HR: variants seen among roughly 807,000 people sequenced by gnomAD.
HR encodes the protein HR lysine demethylase and nuclear receptor corepressor, also known as lysine-specific demethylase hairless.
Under a neutral mutation model 128.6 loss-of-function variants are expected in HR, and 83 were observed. The ratio of observed to expected loss-of-function variants is 0.65; its 90% CI spans 0.54 to 0.77. The LOEUF is 0.77. Among genes scored for constraint, HR ranks in the 30% least tolerant of loss-of-function variants. HR has a pLI of 0.00. For synonymous variants in HR, 681 were observed against 658.2 expected, an observed-to-expected ratio of 1.03 and a Z score of -0.53; for missense variants, 1,490 against 1,574.6, an observed-to-expected ratio of 0.95 and a Z score of 0.91.
intron 7 of HR, 79 bp downstream of exon 7, chr8:22,122,711 G>C: frequency 1.3e-6 from 2 of 1,490,068 alleles, no homozygotes; most frequent in South Asian, 2.4e-5. Flanking sequence ...ATGGCACTGG[G>C]GGGAGGGACA....
chr8:22,121,004 G>C, intron 10 of HR, 46 bp from the exon 11 acceptor site: 1 of 1,612,308 alleles, frequency 6.2e-7, no homozygotes, highest in Non-Finnish European at 8.5e-7. Context: ...GGCCCCACAG[G>C]GAGGGCAGGC....
Position 22,122,729 on chromosome 8 carries a change from G to A in HR, c.2005+61C>T, listed in dbSNP as rs564364835. 98 of 1,505,076 alleles carry A rather than the reference G, an allele frequency of 6.5e-5. 1 individual carries two copies. In the Admixed American group the frequency reaches 1.3e-3, roughly 19 times the overall value. 93.2% of individuals were successfully genotyped at this position (1,505,076 alleles called of 1,614,324 possible). On this transcript the variant is annotated intron_variant, in intron 7 of 18. Coordinates refer to ENST00000381418, the MANE Select transcript of HR (RefSeq NM_005144.5). Reference sequence around the variant, plus strand: ...GCACTGGGGGGAGGGACAATCAGACGGGAAGCTGGTCTCCCTCAGGACCCA... The same window carrying A: ...GCACTGGGGGGAGGGACAATCAGACAGGAAGCTGGTCTCCCTCAGGACCCA...
chr8:22,123,732 T>C lies in HR; in HGVS notation c.1832A>G (p.His611Arg). 6.3e-7 allele frequency: 1 copy of C among 1,593,542 alleles called. No individual in the cohort carries two copies. Among genetic ancestry groups the C allele is most frequent in the Non-Finnish European group, 8.5e-7 (1 of 1,174,880 alleles). Residue 611 changes from histidine to arginine, a missense_variant, in exon 6 of 19, where the codon CAC becomes CGC. His to Arg is a conservative substitution (Grantham distance 29). Transcript: ENST00000381418. ...GTGGCTGCAGCGGGGACATCGCCAGTGGGTGTTGAAGAGTCCATGGTGGCA... is the reference window on the plus strand; with the variant it reads ...GTGGCTGCAGCGGGGACATCGCCAGCGGGTGTTGAAGAGTCCATGGTGGCA... ...SRCHHGLFNT[H>R]WRCPRCSHRL... is the part of the protein sequence containing the mutation.
rs750292356 is a variant in HR, at chr8:22,127,262, G to C, written c.1180C>G (p.Pro394Ala). ...TCCTCGACCTCAGGGCAGCCGCGTGGACATTCAAACTGCTCCGAGTGCCGT... is the reference window on the plus strand; with the variant it reads ...TCCTCGACCTCAGGGCAGCCGCGTGCACATTCAAACTGCTCCGAGTGCCGT... ...LTRHSEQFEC[P>A]RGCPEVEERP... The change falls in exon 3 of 19, where the codon CCA becomes GCA. Residue 394 changes from proline (P) to alanine (A), a missense_variant. This residue lies in a region of HR where 1,060 missense variants were observed against 1,060.9 expected (regional missense o/e 1.00). Coordinates refer to ENST00000381418, the MANE Select transcript of HR (RefSeq NM_005144.5). 5.6e-6 allele frequency: 9 copies of C among 1,613,168 alleles called. No individual in the cohort carries two copies. In the South Asian group the frequency reaches 9.9e-5, roughly 18 times the overall value.
At position 22,122,563 on chromosome 8, in the gene HR, A is replaced by G; in HGVS notation, c.2051T>C (p.Phe684Ser). 6.2e-7 allele frequency: 1 copy of G among 1,612,380 alleles called. No homozygotes were observed. The highest frequency in any genetic ancestry group is 8.5e-7 in the Non-Finnish European group (1 of 1,179,682). Residue 684 changes from phenylalanine to serine, a missense_variant, in exon 8 of 19, where the codon TTT (phenylalanine) becomes TCT (serine). Physicochemically the swap from Phe to Ser is radical, Grantham distance 155. Around this residue, in one of 3 missense-constraint regions of HR, gnomAD observed 1,060 missense variants for 1,060.9 expected, o/e 1.00. Coordinates refer to ENST00000381418, the MANE Select transcript of HR (RefSeq NM_005144.5). The part of the protein sequence containing the change: ...STAMHQVWVK[F>S]DIRGHCPCQA... ...GCAGGGGCAGTGCCCCCGGATATCA[A>G]ACTTGACCCAGACCTGGTGCATTGC...
chr8:22,115,817 C>A, intron 18 of HR, 55 bp from the exon 19 acceptor site: 2 of 1,530,420 alleles, frequency 1.3e-6, no homozygotes, highest in Non-Finnish European at 1.8e-6. Context: ...GGCCCACCCG[C>A]TGTCCCCCAC....
intron 15 of HR, 43 bp from the exon 16 acceptor site, chr8:22,119,108 G>A (rs571979693): frequency 2.0e-5 from 32 of 1,613,592 alleles, no homozygotes; most frequent in Admixed American, 1.2e-4. Context: ...GGCTGGTGGC[G>A]ACAAACACTC....
intron 6 of HR, 33 bp downstream of exon 6, chr8:22,123,616 A>AACACCCCCC: frequency 7.1e-6 from 4 of 562,348 alleles, no homozygotes; most frequent in South Asian, 2.2e-5. Context: ...TGAGGGCTCC[A>AACACCCCCC]TCCCGCCCTC....
intron 18 of HR, 130 bp from the exon 19 acceptor site, chr8:22,115,892 A>G: frequency 1.1e-6 from 1 of 870,670 alleles, no homozygotes; most frequent in Non-Finnish European, 1.9e-6. Flanking sequence ...GCACTTTGGG[A>G]GGCCAAGGTA....
chr8:22,121,716 C>T (rs757040241), intron 8 of HR, 22 bp from the exon 9 acceptor site: 4 of 1,609,070 alleles, frequency 2.5e-6, no homozygotes, highest in Non-Finnish European at 3.4e-6. Context: ...ATCCACCACC[C>T]CCCCAATCCA....
intron 8 of HR, 78 bp from the exon 9 acceptor site, chr8:22,121,772 G>T: frequency 1.4e-6 from 2 of 1,379,366 alleles, no homozygotes; most frequent in Non-Finnish European, 2.1e-6. Flanking sequence ...GAACCCACAA[G>T]AATGAACAAT....
In HR at chr8:22,120,831, A is replaced by AG; in HGVS notation, c.2494dup (p.Leu832ProfsTer94). 2 of 1,551,466 alleles carry AG rather than the reference A, an allele frequency of 1.3e-6. No homozygotes were observed. The highest frequency in any genetic ancestry group is 1.7e-6 in the Non-Finnish European group (2 of 1,147,448). On this transcript the variant is annotated frameshift_variant, in exon 11 of 19. Transcript: ENST00000381418. LOFTEE classifies it high-confidence loss of function. ...AGGCAGCCGGGGCCGCACTGGAGAG[A>AG]GGGGCAGGCCCAGGCCCTTGCGCAG...
rs1826717772 is a variant in HR at position 22,120,577 on chromosome 8, G to T, written c.2611-70C>A. 3.1e-6 allele frequency: 5 copies of T among 1,601,116 alleles called. No homozygotes were observed. In the African/African-American group the frequency reaches 5.3e-5, roughly 17 times the overall value. On this transcript the variant is annotated intron_variant, in intron 11 of 18. Coordinates refer to ENST00000381418, the MANE Select transcript of HR (RefSeq NM_005144.5). ...GCCCGCCATGGCCAGGCAAGGGCGT[G>T]TTGTAAGGGCAGTAGAACAGCTCGG...
Position 22,118,949 on chromosome 8 carries a change from C to T in HR, c.3213+1G>A. 6.2e-7 allele frequency: 1 copy of T among 1,610,928 alleles called. No homozygotes were observed. The highest frequency in any genetic ancestry group is 8.5e-7 in the Non-Finnish European group (1 of 1,179,664). On this transcript the variant is annotated splice_donor_variant, in intron 16 of 18. Transcript: ENST00000381418. LOFTEE classifies it high-confidence loss of function. ...GGGAGGGCTCCCGGCTGCCTCCTCA[C>T]CATCTGGAGAAAGCGGCGGATGCGC...
Position 22,120,856 on chromosome 8 carries a change from G to A in HR, c.2470C>T (p.Leu824=), listed in dbSNP as rs759391475. ...LGPGLRAGPG[L]RKGLGLPLSP... ...AGGGGCAGGCCCAGGCCCTTGCGCA[G>A]ACCCGGGCCAGCTCGAAGCCCCGGC... Residue 824 remains leucine, a synonymous_variant, in exon 11 of 19, where the codon CTG becomes TTG. Coordinates refer to ENST00000381418, the MANE Select transcript of HR (RefSeq NM_005144.5). 1.3e-6 allele frequency: 2 copies of A among 1,551,864 alleles called. No individual in the cohort carries two copies. Among genetic ancestry groups the A allele is most frequent in the Admixed American group, 3.9e-5 (2 of 51,120 alleles).
intron 11 of HR, 77 bp downstream of exon 11, chr8:22,120,639 G>C: frequency 1.3e-6 from 2 of 1,556,908 alleles, no homozygotes; most frequent in Admixed American, 3.7e-5. Flanking sequence ...CACTGGGTCT[G>C]TCTGGGCCTA....
At chr8:22,123,617 T>TCACCCCCCCC in intron 6 of HR, 32 bp downstream of exon 6, 7 of 292,092 alleles carry the variant, frequency 2.4e-5, no homozygotes, top group South Asian at 3.0e-5. Context: ...GAGGGCTCCA[T>TCACCCCCCCC]CCCGCCCTCC....
chr8:22,127,156 T>G lies in HR; in HGVS notation c.1286A>C (p.Lys429Thr). Residue 429 changes from lysine (K) to threonine (T), a missense_variant, in exon 3 of 19, where the codon AAG becomes ACG. By Grantham distance (78) the Lys-to-Thr change is moderately conservative (BLOSUM62 -1). Coordinates refer to ENST00000381418, the MANE Select transcript of HR (RefSeq NM_005144.5). The part of the protein sequence containing the change: ...VQGAMGSPAP[K>T]RPPDPFPGTA... ...GCCTGGAAAAGGGTCCGGTGGCCGC[T>G]TGGGGGCTGGACTGCCCATTGCTCC... 2 of 1,612,506 alleles carry G rather than the reference T, an allele frequency of 1.2e-6. No individual in the cohort carries two copies. Among genetic ancestry groups the G allele is most frequent in the Non-Finnish European group, 1.7e-6 (2 of 1,179,684 alleles).
Position 22,128,571 on chromosome 8 carries a change from G to C in HR, c.600C>G (p.Ser200Arg), listed in dbSNP as rs370007196. ...CCCCTGCACTCACCTTGCTGCCTAA[G>C]CTGAAGGCAGAGGGCACTTTGGGCT... ...GGQPKVPSAF[S>R]LGSKGFYYKD... The change falls in exon 2 of 19, where the codon AGC (serine) becomes AGG (arginine). Residue 200 changes from serine to arginine, a missense_variant. By Grantham distance (110) the Ser-to-Arg change is moderately radical (BLOSUM62 -1). This residue lies in a region of HR where 1,060 missense variants were observed against 1,060.9 expected (regional missense o/e 1.00). Transcript: ENST00000381418. 2.5e-5 allele frequency: 40 copies of C among 1,611,332 alleles called. No homozygotes were observed. Among genetic ancestry groups the C allele is most frequent in the Non-Finnish European group, 3.1e-5 (36 of 1,179,486 alleles).
Sources: allele counts gnomAD v4.1 joint callset, GRCh38; gene constraint gnomAD v4.1.1; regional missense constraint gnomAD v4.1.1; transcripts MANE v1.5; gene names NCBI Gene and HGNC (gene_info 2026-07-23, HGNC 2026-07-21).